The following CYP39A1 variants were observed in gnomAD, a reference collection of about 807,000 sequenced individuals.
The protein encoded by CYP39A1 is 24-hydroxycholesterol 7-alpha-hydroxylase.
CYP39A1 carries 49 observed loss-of-function variants against 58.1 expected under a neutral mutation model. The observed-to-expected ratio is 0.84, with a 90% CI of 0.67 to 1.07. The LOEUF is 1.07. CYP39A1 is among the 50% of genes least tolerant of loss of function. The pLI, the probability that CYP39A1 is intolerant of heterozygous loss-of-function variation, is 0.00. For missense variants in CYP39A1, 531 were observed against 539.4 expected, an observed-to-expected ratio of 0.98 and a Z score of 0.16; for synonymous variants, 209 against 187.6, an observed-to-expected ratio of 1.11 and a Z score of -0.93.
intron 3 of CYP39A1, 115 bp downstream of exon 3, chr6:46,639,379 T>C (rs1481159102): frequency 8.2e-6 from 8 of 972,642 alleles, no homozygotes; most frequent in African/African-American, 3.4e-5. Flanking sequence ...CTTAATAGCC[T>C]AGTTAGGTAG....
intron 7 of CYP39A1, among the ~76,000 whole-genome samples, chr6:46,607,636 A>G (rs1773929897): frequency 6.6e-6 from 1 of 152,178 alleles, no homozygotes; most frequent in African/African-American, 2.4e-5. Flanking sequence ...AATGGTAGGC[A>G]TTTACTAACT....
chr6:46,647,903 AT>A (rs1420596122), intron 1 of CYP39A1, among the ~76,000 whole-genome samples: 1 of 152,062 alleles, frequency 6.6e-6, no homozygotes, highest in Non-Finnish European at 1.5e-5. Context: ...GATTGCAAAA[AT>A]TTTTTCCCAT....
At chr6:46,564,133 TTATTCTATTC>T (rs1165466566) in intron 10 of CYP39A1, among the ~76,000 whole-genome samples, 3,780 of 128,630 alleles carry the variant, frequency 0.029, 294 homozygotes, top group African/African-American at 0.13. Flanking sequence ...TTATTCTATT[TTATTCTATTC>T]TATTTTATTC....
At chr6:46,619,909 T>A (rs779914670) in intron 7 of CYP39A1, among the ~76,000 whole-genome samples, 1 of 152,110 alleles carries the variant, frequency 6.6e-6, no homozygotes, top group African/African-American at 2.4e-5. Context: ...TTAATCCACA[T>A]AAGCCTGGGA....
At chr6:46,564,949 C>A (rs1771193633) in intron 10 of CYP39A1, among the ~76,000 whole-genome samples, 1 of 152,138 alleles carries the variant, frequency 6.6e-6, no homozygotes, top group South Asian at 2.1e-4. Flanking sequence ...GCAACCTCAT[C>A]CCTCTGAGAA....
intron 10 of CYP39A1, 32 bp downstream of exon 10, chr6:46,587,045 C>T: frequency 2.0e-6 from 3 of 1,525,746 alleles, no homozygotes; most frequent in Non-Finnish European, 2.7e-6. Flanking sequence ...TGCAGACTTT[C>T]TGGATAAATG....
intron 6 of CYP39A1, among the ~76,000 whole-genome samples, chr6:46,630,231 C>A (rs1775571592): frequency 6.6e-6 from 1 of 152,034 alleles, no homozygotes; most frequent in African/African-American, 2.4e-5. Flanking sequence ...CTTGTAGGAC[C>A]ATAATGCTAA....
chr6:46,592,177 C>A (rs1772878974), intron 8 of CYP39A1, among the ~76,000 whole-genome samples: 1 of 152,072 alleles, frequency 6.6e-6, no homozygotes, highest in Non-Finnish European at 1.5e-5. Flanking sequence ...CATTCCATTT[C>A]CAGGAAAGGG....
intron 10 of CYP39A1, among the ~76,000 whole-genome samples, chr6:46,584,060 T>C (rs772598786): frequency 6.6e-6 from 1 of 152,082 alleles, no homozygotes; most frequent in East Asian, 1.9e-4. Flanking sequence ...AAATTTCTAG[T>C]GCAAAAAAAA....
intron 7 of CYP39A1, among the ~76,000 whole-genome samples, chr6:46,609,704 T>C (rs1442015953): frequency 6.6e-6 from 1 of 152,188 alleles, no homozygotes; most frequent in Non-Finnish European, 1.5e-5. Flanking sequence ...AGGCTTGTGC[T>C]ATCATTCCAA....
intron 2 of CYP39A1, among the ~76,000 whole-genome samples, chr6:46,640,149 G>T (rs1307321473): frequency 2.0e-5 from 3 of 152,148 alleles, no homozygotes; most frequent in Non-Finnish European, 4.4e-5. Flanking sequence ...TATTCTGTGA[G>T]ATGATGGAAA....
At chr6:46,594,298 G>C (rs1482535811) in intron 8 of CYP39A1, among the ~76,000 whole-genome samples, 1 of 151,942 alleles carries the variant, frequency 6.6e-6, no homozygotes, top group Non-Finnish European at 1.5e-5. Context: ...CATAATATAT[G>C]CTATCAAAAT....
intron 8 of CYP39A1, among the ~76,000 whole-genome samples, chr6:46,592,727 G>A (rs1031332073): frequency 2.0e-5 from 3 of 152,126 alleles, no homozygotes; most frequent in Non-Finnish European, 2.9e-5. Flanking sequence ...AGGCCAAGGC[G>A]GGCAGATCAC....
chr6:46,601,464 C>A (rs1250428115), intron 7 of CYP39A1, among the ~76,000 whole-genome samples: 1 of 152,108 alleles, frequency 6.6e-6, no homozygotes, highest in Non-Finnish European at 1.5e-5. Context: ...CCGTATCTAT[C>A]CCTCTAGTCC....
chr6:46,650,489 T>A, intron 1 of CYP39A1, among the ~76,000 whole-genome samples: 1 of 69,030 alleles, frequency 1.4e-5, no homozygotes, highest in African/African-American at 6.5e-5. Context: ...ATATTCTTTT[T>A]TTTTTTTTTT....
intron 10 of CYP39A1, among the ~76,000 whole-genome samples, chr6:46,574,088 C>A (rs550684287): frequency 2.6e-5 from 4 of 152,142 alleles, no homozygotes; most frequent in Admixed American, 2.6e-4. Flanking sequence ...ATCATTCCAG[C>A]AGCTCAGTGA....
rs369768352 is a variant in CYP39A1, at chr6:46,637,957, T to C, written c.510A>G (p.Thr170=). ...AACTTTTATTAAAGAGCATATTCAC[T>C]GTGACTGGATAAAGGAGATGTCTAC... is the stretch of plus-strand genomic sequence containing the variant. ...NLVRHLLYPV[T]VNMLFNKSLF... The change falls in exon 4 of 12, where the codon ACA becomes ACG. Residue 170 remains threonine, a synonymous_variant. Transcript: ENST00000275016. 21 of 1,610,746 alleles carry C rather than the reference T, an allele frequency of 1.3e-5. No homozygotes were observed. Among genetic ancestry groups the C allele is most frequent in the Non-Finnish European group, 1.6e-5 (19 of 1,179,288 alleles).
rs1302263074 is a variant in CYP39A1, at chr6:46,625,508, C to T, written c.841G>A (p.Val281Ile). ...ACGTATGCAAGTGTCCAAAATGCAA[C>T]CTTAAAAAGAAAAACATATATCAAA... ...LWASLSNAVP[V>I]AFWTLAYVLS... Residue 281 changes from valine to isoleucine, a missense_variant and splice_region_variant, in exon 7 of 12, where the codon GTT becomes ATT. Physicochemically the swap from Val to Ile is conservative, Grantham distance 29. Transcript: ENST00000275016. The T allele has an allele frequency of 3.7e-6, 6 of 1,602,600 alleles. No individual in the cohort carries two copies. Among genetic ancestry groups the T allele is most frequent in the South Asian group, 1.1e-5 (1 of 88,816 alleles).
At chr6:46,560,178 T>C (rs1035213532) in intron 10 of CYP39A1, among the ~76,000 whole-genome samples, 1 of 152,058 alleles carries the variant, frequency 6.6e-6, no homozygotes, top group African/African-American at 2.4e-5. Flanking sequence ...AGGCTAGTAT[T>C]GAGATGGGAA....
Sources: allele counts gnomAD v4.1 joint callset (sites outside exome capture counted in the v4.1 genomes callset), GRCh38; gene constraint gnomAD v4.1.1; transcripts MANE v1.5; gene names NCBI Gene and HGNC (gene_info 2026-07-23, HGNC 2026-07-21).